The following GRB14 variants were observed in gnomAD, a reference collection of about 807,000 sequenced individuals.
The protein encoded by GRB14 is growth factor receptor bound protein 14.
A neutral mutation model predicts 69.1 loss-of-function variants in GRB14; 38 were observed. That is an observed-to-expected ratio of 0.55 (90% CI 0.42 to 0.72). GRB14 has a LOEUF of 0.72. GRB14 is among the 30% of genes least tolerant of loss of function. The pLI, the probability that GRB14 is intolerant of heterozygous loss-of-function variation, is 0.00. For missense variants in GRB14, 666 were observed against 666.1 expected (o/e 1.00, Z 0.00); for synonymous variants, 247 against 241.3 (o/e 1.02, Z -0.22).
chr2:164,554,571 T>C (rs1441041407), intron 2 of GRB14, among the ~76,000 whole-genome samples: 1 of 152,152 alleles, frequency 6.6e-6, no homozygotes, highest in Non-Finnish European at 1.5e-5. Context: ...ACACTGCCTG[T>C]GTTGGAAAGC....
chr2:164,620,455 T>C (rs949701851), intron 1 of GRB14, among the ~76,000 whole-genome samples: 5 of 152,142 alleles, frequency 3.3e-5, no homozygotes, highest in Admixed American at 3.3e-4. Flanking sequence ...CTAGTATAAA[T>C]GTACTATAGT....
At chr2:164,544,762 G>A (rs1214852266) in intron 3 of GRB14, among the ~76,000 whole-genome samples, 2 of 152,118 alleles carry the variant, frequency 1.3e-5, no homozygotes, top group Non-Finnish European at 1.5e-5. Flanking sequence ...TGAGGATACC[G>A]TGGAACAATT....
intron 5 of GRB14, 112 bp from the exon 6 acceptor site, chr2:164,522,229 T>C (rs1453742196): frequency 4.6e-6 from 3 of 654,588 alleles, no homozygotes; most frequent in Middle Eastern, 4.2e-4. Context: ...CACAAGATCA[T>C]AACATATAAC....
rs1314502186 is a variant in GRB14 at position 164,535,818 on chromosome 2, T to C, written c.482-8683A>G. Among the ~76,000 whole-genome samples the C allele has an allele frequency of 5.3e-5, 8 of 152,246 alleles. No homozygotes were observed. In the East Asian group the frequency reaches 1.4e-3, roughly 26 times the overall value. Reference sequence around the variant, plus strand: ...ACATTCAACTCCCCAAGTGCAATAATAGGAAAATTGTGACACTTCAGCTTG... The same window carrying C: ...ACATTCAACTCCCCAAGTGCAATAACAGGAAAATTGTGACACTTCAGCTTG... On this transcript the variant is annotated intron_variant, in intron 3 of 13. Coordinates refer to ENST00000263915, the MANE Select transcript of GRB14 (RefSeq NM_004490.3).
chr2:164,506,031 C>G (rs1374271938), intron 8 of GRB14, among the ~76,000 whole-genome samples: 18 of 152,308 alleles, frequency 1.2e-4, no homozygotes, highest in Non-Finnish European at 1.5e-5. Flanking sequence ...AGAACATCCT[C>G]TTTGCAGCCT....
intron 2 of GRB14, among the ~76,000 whole-genome samples, chr2:164,563,140 C>T (rs1229699948): frequency 6.6e-6 from 1 of 152,162 alleles, no homozygotes; most frequent in African/African-American, 2.4e-5. Context: ...CCACGACCCT[C>T]TTCTGCACAG....
intron 2 of GRB14, among the ~76,000 whole-genome samples, chr2:164,603,061 G>A (rs901956366): frequency 3.9e-5 from 6 of 152,146 alleles, no homozygotes; most frequent in Non-Finnish European, 7.4e-5. Flanking sequence ...GGCATGATTA[G>A]AGAGGTGGTC....
chr2:164,610,237 C>T (rs1690135302), intron 2 of GRB14, among the ~76,000 whole-genome samples: 1 of 152,194 alleles, frequency 6.6e-6, no homozygotes, highest in Non-Finnish European at 1.5e-5. Context: ...CATTTGCTAG[C>T]ATATACCTCT....
At chr2:164,543,644 G>C (rs1007165889) in intron 3 of GRB14, among the ~76,000 whole-genome samples, 1 of 151,728 alleles carries the variant, frequency 6.6e-6, no homozygotes, top group African/African-American at 2.4e-5. Context: ...AAGACTTGCA[G>C]TAAAGATGTC....
At chr2:164,574,952 A>AC (rs890271729) in intron 2 of GRB14, among the ~76,000 whole-genome samples, 6 of 151,932 alleles carry the variant, frequency 3.9e-5, no homozygotes, top group African/African-American at 1.5e-4. Context: ...AAAAAAAAAA[A>AC]CTCAGTGAAA....
At chr2:164,595,183 T>C (rs1177918548) in intron 2 of GRB14, among the ~76,000 whole-genome samples, 2 of 152,220 alleles carry the variant, frequency 1.3e-5, no homozygotes, top group African/African-American at 4.8e-5. Flanking sequence ...CCAATGTTTA[T>C]GTAGTCAAAT....
intron 8 of GRB14, among the ~76,000 whole-genome samples, chr2:164,506,674 T>C: frequency 6.6e-6 from 1 of 152,172 alleles, no homozygotes; most frequent in East Asian, 1.9e-4. Flanking sequence ...AGCAGCACTA[T>C]TCACAATAGC....
At chr2:164,518,891 A>C (rs1216533436) in intron 6 of GRB14, among the ~76,000 whole-genome samples, 1 of 151,682 alleles carries the variant, frequency 6.6e-6, no homozygotes, top group Non-Finnish European at 1.5e-5. Context: ...ATGATCAACA[A>C]AAAAAAAGGT....
chr2:164,579,050 T>C (rs73028069), intron 2 of GRB14, among the ~76,000 whole-genome samples: 4,414 of 152,194 alleles, frequency 0.029, 203 homozygotes, highest in African/African-American at 0.1. Flanking sequence ...AAACAAATTA[T>C]ACAATATTAC....
chr2:164,541,190 A>G (rs1012586135), intron 3 of GRB14, among the ~76,000 whole-genome samples: 1 of 152,052 alleles, frequency 6.6e-6, no homozygotes, highest in African/African-American at 2.4e-5. Context: ...ATAATAGGCC[A>G]GTCGTGGTGG....
chr2:164,496,847 A>T (rs755060866), intron 12 of GRB14, among the ~76,000 whole-genome samples, 161 bp downstream of exon 12: 4 of 152,186 alleles, frequency 2.6e-5, no homozygotes, highest in Non-Finnish European at 4.4e-5. Flanking sequence ...TATAATATAG[A>T]TACTGTTAGA....
intron 2 of GRB14, among the ~76,000 whole-genome samples, chr2:164,583,232 T>G (rs755191886): frequency 2.0e-5 from 3 of 152,018 alleles, no homozygotes; most frequent in Non-Finnish European, 4.4e-5. Flanking sequence ...CAAAGAAAAC[T>G]GGAGATAATT....
chr2:164,584,206 T>C (rs1689483141), intron 2 of GRB14, among the ~76,000 whole-genome samples: 1 of 142,464 alleles, frequency 7.0e-6, no homozygotes, highest in African/African-American at 2.6e-5. Context: ...GGTTTCACCA[T>C]GTTACCTAGG....
chr2:164,554,942 C>T (rs1240325763), intron 2 of GRB14, among the ~76,000 whole-genome samples: 1 of 150,988 alleles, frequency 6.6e-6, no homozygotes, highest in African/African-American at 2.4e-5. Context: ...AAACTTGAGG[C>T]CTTTTAAAGC....
Sources: gnomAD v4.1 joint callset for allele counts (sites outside exome capture counted in the v4.1 genomes callset) on GRCh38, gnomAD v4.1.1 for gene constraint, MANE v1.5 for transcripts, NCBI Gene and HGNC (gene_info 2026-07-23, HGNC 2026-07-21) for gene names.